Variants in NCALD observed in about 807,000 individuals in gnomAD.
NCALD encodes the protein neurocalcin delta.
NCALD carries 10 observed loss-of-function variants against 18.6 expected under a neutral mutation model. The observed-to-expected ratio is 0.54, with a 90% CI of 0.33 to 0.91. The LOEUF is 0.91. Among genes scored for constraint, NCALD ranks in the 40% least tolerant of loss-of-function variants. The pLI, the probability that NCALD is intolerant of heterozygous loss-of-function variation, is 0.03. For missense variants in NCALD, 184 were observed against 247.6 expected, an observed-to-expected ratio of 0.74 and a Z score of 1.72; for synonymous variants, 88 against 87.4, an observed-to-expected ratio of 1.01 and a Z score of -0.04.
intron 2 of NCALD, among the ~76,000 whole-genome samples, chr8:101,938,711 G>A (rs534014573): frequency 6.6e-6 from 1 of 152,042 alleles, no homozygotes; most frequent in South Asian, 2.1e-4. Context: ...TTTCATCCAA[G>A]AAAATGTTTT....
chr8:102,120,547 G>A (rs541065027), intron 1 of NCALD, among the ~76,000 whole-genome samples: 90 of 152,238 alleles, frequency 5.9e-4, no homozygotes, highest in African/African-American at 2.9e-4. Context: ...AAATGGTGCC[G>A]ACTCCATGAA....
intron 4 of NCALD, among the ~76,000 whole-genome samples, chr8:101,834,643 T>A (rs1332240264): frequency 2.0e-5 from 3 of 152,168 alleles, no homozygotes; most frequent in Non-Finnish European, 4.4e-5. Flanking sequence ...CATGTAGAAG[T>A]ATGATTTTCC....
chr8:101,711,428 T>C (rs946506588), intron 2 of NCALD, among the ~76,000 whole-genome samples: 9 of 151,834 alleles, frequency 5.9e-5, no homozygotes, highest in East Asian at 1.9e-4. Context: ...GTTTGACAAA[T>C]TGACAGAAGT....
At chr8:101,747,877 C>T (rs1810492817) in intron 1 of NCALD, among the ~76,000 whole-genome samples, 1 of 152,162 alleles carries the variant, frequency 6.6e-6, no homozygotes, top group African/African-American at 2.4e-5. Flanking sequence ...GCCACAACAC[C>T]TGGCTAATTT....
intron 1 of NCALD, among the ~76,000 whole-genome samples, chr8:101,784,927 T>C (rs1441364213): frequency 2.6e-5 from 4 of 151,986 alleles, no homozygotes; most frequent in Non-Finnish European, 5.9e-5. Flanking sequence ...CACAACATCA[T>C]TGACAACAAA....
At chr8:101,841,332 C>T (rs1814634718) in intron 4 of NCALD, among the ~76,000 whole-genome samples, 1 of 152,208 alleles carries the variant, frequency 6.6e-6, no homozygotes, top group South Asian at 2.1e-4. Flanking sequence ...CCATGACAAA[C>T]ACCCCTTGCT....
intron 4 of NCALD, among the ~76,000 whole-genome samples, chr8:101,828,957 G>C (rs945732471): frequency 4.0e-5 from 6 of 150,932 alleles, no homozygotes; most frequent in African/African-American, 1.5e-4. Context: ...AGAAGGATGG[G>C]TGAGTGGGGT....
chr8:102,028,667 C>T lies in NCALD; in HGVS notation c.-209-8378G>A, dbSNP rs866578200. The stretch of plus-strand genomic sequence containing the variant: ...AAAGTGGTCCCTGCCCCAACACAAG[C>T]CAGTCTCTTTTCTACTAATTCCTTT... On this transcript the variant is annotated intron_variant, in intron 1 of 6. Coordinates refer to the NCALD transcript ENST00000311028. 3.9e-5 allele frequency among the ~76,000 whole-genome samples: 6 copies of T among 152,328 alleles called. 1 individual carries two copies. The highest frequency in any genetic ancestry group is 2.6e-4 in the Admixed American group (4 of 15,300).
At chr8:101,837,381 C>A (rs888066707) in intron 4 of NCALD, among the ~76,000 whole-genome samples, 1 of 152,184 alleles carries the variant, frequency 6.6e-6, no homozygotes, top group Non-Finnish European at 1.5e-5. Context: ...ACAAAGACCA[C>A]ATAGGCATAA....
At chr8:101,826,656 C>T (rs907236521) in intron 4 of NCALD, among the ~76,000 whole-genome samples, 1 of 152,116 alleles carries the variant, frequency 6.6e-6, no homozygotes, top group Non-Finnish European at 1.5e-5. Flanking sequence ...TAAGTAAAAT[C>T]ATAAAGCAAG....
intron 2 of NCALD, 151 bp from the exon 3 acceptor site, chr8:101,693,047 G>A (rs1586216181): frequency 1.8e-6 from 1 of 562,730 alleles, no homozygotes. Context: ...AGATGTGGAG[G>A]CACAGGTAGA....
chr8:102,005,726 A>C (rs1312522028), intron 2 of NCALD, among the ~76,000 whole-genome samples: 1 of 152,158 alleles, frequency 6.6e-6, no homozygotes, highest in Non-Finnish European at 1.5e-5. Flanking sequence ...TGTCCTTTGT[A>C]GGGACATGGA....
At chr8:101,767,564 A>G (rs1360542767) in intron 1 of NCALD, among the ~76,000 whole-genome samples, 3 of 152,238 alleles carry the variant, frequency 2.0e-5, no homozygotes, top group Non-Finnish European at 2.9e-5. Context: ...AGCCCTAACC[A>G]TGATGGCTAA....
chr8:101,893,101 G>A (rs902470920), intron 3 of NCALD, among the ~76,000 whole-genome samples: 2 of 151,274 alleles, frequency 1.3e-5, no homozygotes, highest in African/African-American at 4.9e-5. Flanking sequence ...AAATGTTAAG[G>A]GCAGCCAGAG....
At chr8:102,023,992 T>C (rs991471419) in intron 1 of NCALD, among the ~76,000 whole-genome samples, 2 of 152,206 alleles carry the variant, frequency 1.3e-5, no homozygotes, top group Non-Finnish European at 2.9e-5. Flanking sequence ...CAGCTTCAGA[T>C]TCAACTCTAG....
intron 1 of NCALD, among the ~76,000 whole-genome samples, chr8:101,754,424 A>T (rs568287379): frequency 1.6e-4 from 24 of 152,066 alleles, no homozygotes; most frequent in Admixed American, 1.6e-3. Flanking sequence ...AGTTCTGGAG[A>T]CTGGGAAGTC....
intron 4 of NCALD, among the ~76,000 whole-genome samples, chr8:101,818,336 T>C (rs1813583565): frequency 6.6e-6 from 1 of 152,166 alleles, no homozygotes; most frequent in African/African-American, 2.4e-5. Context: ...TTCATGCAAA[T>C]GACCTCACTT....
At chr8:102,001,682 CA>C (rs1432192463) in intron 2 of NCALD, among the ~76,000 whole-genome samples, 1 of 152,198 alleles carries the variant, frequency 6.6e-6, no homozygotes, top group Non-Finnish European at 1.5e-5. Flanking sequence ...GATCTCTCAG[CA>C]GAAACTCTAC....
intron 2 of NCALD, among the ~76,000 whole-genome samples, chr8:101,948,840 C>CTTAG (rs2131798511): frequency 6.6e-6 from 1 of 152,278 alleles, no homozygotes; most frequent in Non-Finnish European, 1.5e-5. Context: ...CAGCAACTTA[C>CTTAG]TTAGCTTCCT....
Sources: gnomAD v4.1 joint callset for allele counts (sites outside exome capture counted in the v4.1 genomes callset) on GRCh38, gnomAD v4.1.1 for gene constraint, MANE v1.5 for transcripts, NCBI Gene and HGNC (gene_info 2026-07-23, HGNC 2026-07-21) for gene names.